Variants in CDH12 observed in about 807,000 individuals in gnomAD.
CDH12 encodes the protein cadherin 12, also known as cadherin-12.
CDH12 carries 41 observed loss-of-function variants against 74.1 expected under a neutral mutation model. The ratio of observed to expected loss-of-function variants is 0.55; its 90% CI spans 0.43 to 0.72. The LOEUF (loss-of-function observed/expected upper bound fraction) is 0.72, where lower values mean the gene tolerates loss of function less well. Among genes scored for constraint, CDH12 ranks in the 30% least tolerant of loss-of-function variants. CDH12 has a pLI of 0.00. For missense variants in CDH12, 945 were observed against 977.2 expected (o/e 0.97, Z 0.44); for synonymous variants, 399 against 355.0 (o/e 1.12, Z -1.39).
At chr5:22,646,416 C>A (rs1015604451) in intron 1 of CDH12, among the ~76,000 whole-genome samples, 4 of 151,710 alleles carry the variant, frequency 2.6e-5, no homozygotes, top group East Asian at 1.9e-4. Context: ...GAAGAAGCAC[C>A]AAATGAACAA....
rs5866587 is a variant in CDH12 at position 22,705,499 on chromosome 5, G to GCACACACACACACACACA, written c.-523+147541_-523+147558dup. Among the ~76,000 whole-genome samples, 68 of 143,604 alleles carry GCACACACACACACACACA rather than the reference G, an allele frequency of 4.7e-4. 1 individual carries two copies. The highest frequency in any genetic ancestry group is 1.5e-3 in the East Asian group (7 of 4,744). 94.2% of individuals were successfully genotyped at this position (143,604 alleles called of 152,430 possible). A position where few individuals can be genotyped will look rare whatever the true frequency, so the allele number is the denominator to read the frequency against. On this transcript the variant is annotated intron_variant, in intron 1 of 14. Coordinates refer to ENST00000382254, the MANE Select transcript of CDH12 (RefSeq NM_004061.5). ...GTTTCATTAAGAAATCAACACACATGCACACACACACACACACACACACAC... is the reference window on the plus strand; with the variant it reads ...GTTTCATTAAGAAATCAACACACATGCACACACACACACACACACACACACACACACACACACACACAC...
chr5:21,882,116 G>A (rs1477073800), intron 6 of CDH12, among the ~76,000 whole-genome samples: 1 of 152,202 alleles, frequency 6.6e-6, no homozygotes. Context: ...TCAGGTTTCA[G>A]TAATACCATT....
intron 5 of CDH12, among the ~76,000 whole-genome samples, chr5:22,046,308 T>C (rs1739946576): frequency 2.0e-5 from 3 of 152,184 alleles, no homozygotes; most frequent in Admixed American, 1.3e-4. Flanking sequence ...AGCCAAGTCC[T>C]GCCACCATTC....
At chr5:22,136,932 G>C (rs1746499959) in intron 4 of CDH12, among the ~76,000 whole-genome samples, 1 of 151,442 alleles carries the variant, frequency 6.6e-6, no homozygotes, top group Non-Finnish European at 1.5e-5. Flanking sequence ...AATGATTCTG[G>C]AATTGTAAGC....
intron 9 of CDH12, among the ~76,000 whole-genome samples, chr5:21,815,626 TTC>T (rs534341594): frequency 6.6e-5 from 10 of 151,940 alleles, no homozygotes; most frequent in African/African-American, 2.2e-4. Context: ...CAGTCTGTCT[TTC>T]TCTCTCTCTC....
chr5:22,224,050 A>G lies in CDH12; in HGVS notation c.-332-11407T>C, dbSNP rs536529854. Among the ~76,000 whole-genome samples, 8 of 152,146 alleles carry G rather than the reference A, an allele frequency of 5.3e-5. No homozygotes were observed. In the East Asian group the frequency reaches 1.6e-3, roughly 29 times the overall value. ...CTCAGCAGAGCCTCAATTCTTGCAC[A>G]CAAGTGAGTAATTGAAAGTTTTCTA... On this transcript the variant is annotated intron_variant, in intron 3 of 14. Coordinates refer to ENST00000382254, the MANE Select transcript of CDH12 (RefSeq NM_004061.5).
At chr5:22,717,179 A>G (rs1743620662) in intron 1 of CDH12, among the ~76,000 whole-genome samples, 1 of 151,998 alleles carries the variant, frequency 6.6e-6, no homozygotes. Context: ...TCACTCACTG[A>G]CTCACCCAGA....
chr5:22,710,900 A>G (rs1424526217), intron 1 of CDH12, among the ~76,000 whole-genome samples: 1 of 152,048 alleles, frequency 6.6e-6, no homozygotes, highest in Non-Finnish European at 1.5e-5. Context: ...TTCAAAATAT[A>G]TTTGGAAGTT....
At chr5:22,415,226 TG>T (rs1158012639) in intron 2 of CDH12, among the ~76,000 whole-genome samples, 15 of 95,400 alleles carry the variant, frequency 1.6e-4, no homozygotes, top group Admixed American at 5.9e-4. Context: ...ATTGACACAA[TG>T]TTTTTTTTTG....
At chr5:22,735,274 T>A (rs1744627300) in intron 1 of CDH12, among the ~76,000 whole-genome samples, 1 of 151,898 alleles carries the variant, frequency 6.6e-6, no homozygotes, top group Non-Finnish European at 1.5e-5. Flanking sequence ...TCTTTCCTGA[T>A]TACATACAAA....
chr5:22,720,133 C>T (rs1743801074), intron 1 of CDH12, among the ~76,000 whole-genome samples: 1 of 152,108 alleles, frequency 6.6e-6, no homozygotes, highest in African/African-American at 2.4e-5. Flanking sequence ...CAAATCTTAT[C>T]TCAAATTGTA....
At chr5:22,388,102 T>G (rs2126408314) in intron 3 of CDH12, among the ~76,000 whole-genome samples, 1 of 152,246 alleles carries the variant, frequency 6.6e-6, no homozygotes, top group East Asian at 1.9e-4. Context: ...TAAATATTTC[T>G]AAGAAAACAA....
At chr5:22,458,555 G>C (rs1287398998) in intron 2 of CDH12, among the ~76,000 whole-genome samples, 1 of 152,134 alleles carries the variant, frequency 6.6e-6, no homozygotes, top group Non-Finnish European at 1.5e-5. Context: ...ATACATTTTA[G>C]CTGAAAGGCC....
intron 10 of CDH12, among the ~76,000 whole-genome samples, chr5:21,786,686 G>A (rs1157829482): frequency 2.0e-5 from 3 of 152,170 alleles, no homozygotes; most frequent in African/African-American, 4.8e-5. Flanking sequence ...AATACAGTTT[G>A]TAAGGCTATA....
At chr5:22,013,029 C>T (rs1268137228) in intron 5 of CDH12, among the ~76,000 whole-genome samples, 4 of 149,300 alleles carry the variant, frequency 2.7e-5, no homozygotes, top group Non-Finnish European at 4.4e-5. Context: ...TGCAAGGGGC[C>T]AGGTGAGTCA....
chr5:22,816,880 G>A (rs932364309), intron 1 of CDH12, among the ~76,000 whole-genome samples: 3 of 152,086 alleles, frequency 2.0e-5, no homozygotes, highest in Non-Finnish European at 4.4e-5. Context: ...TTATGTATTT[G>A]CCACATACAT....
At chr5:22,682,054 C>T (rs1741523339) in intron 1 of CDH12, among the ~76,000 whole-genome samples, 1 of 151,962 alleles carries the variant, frequency 6.6e-6, no homozygotes, top group African/African-American at 2.4e-5. Flanking sequence ...ATCTCTTTTC[C>T]CAGTAATGGA....
At chr5:22,118,251 A>G (rs1215156207) in intron 4 of CDH12, among the ~76,000 whole-genome samples, 1 of 152,182 alleles carries the variant, frequency 6.6e-6, no homozygotes, top group African/African-American at 2.4e-5. Flanking sequence ...CCAGTTTATT[A>G]GCTGCACAAT....
At chr5:22,696,063 C>G (rs759608426) in intron 1 of CDH12, among the ~76,000 whole-genome samples, 11 of 152,172 alleles carry the variant, frequency 7.2e-5, no homozygotes, top group African/African-American at 2.6e-4. Context: ...GTTTTAGTGT[C>G]CATCCTTAAA....
Sources: allele counts gnomAD v4.1 joint callset (sites outside exome capture counted in the v4.1 genomes callset), GRCh38; gene constraint gnomAD v4.1.1; transcripts MANE v1.5; gene names NCBI Gene and HGNC (gene_info 2026-07-23, HGNC 2026-07-21).